Variants in ZCRB1 observed in about 807,000 individuals in gnomAD.
The protein encoded by ZCRB1 is zinc finger CCHC-type and RNA binding motif containing 1, also known as zinc finger CCHC-type and RNA-binding motif-containing protein 1.
In ZCRB1, 21 loss-of-function variants were observed where a neutral mutation model predicts 29.9. The observed-to-expected ratio is 0.70, with a 90% CI of 0.50 to 1.01. The LOEUF is 1.01. ZCRB1 is among the 50% of genes least tolerant of loss of function. ZCRB1 has a pLI of 0.00. For missense variants in ZCRB1, 204 were observed against 253.3 expected (o/e 0.81, Z 1.32); for synonymous variants, 77 against 80.0 (o/e 0.96, Z 0.20).
intron 5 of ZCRB1, among the ~76,000 whole-genome samples, chr12:42,316,072 C>A (rs1385087556): frequency 6.6e-6 from 1 of 151,902 alleles, no homozygotes; most frequent in Admixed American, 6.6e-5. Flanking sequence ...CCTCTGGACT[C>A]TGTTTTTTAA....
chr12:42,320,737 A>G (rs927079985), intron 3 of ZCRB1, among the ~76,000 whole-genome samples: 1 of 152,204 alleles, frequency 6.6e-6, no homozygotes, highest in Non-Finnish European at 1.5e-5. Context: ...GGTGTGTGCC[A>G]CTGCACCCAG....
chr12:42,312,993 A>AT lies in ZCRB1; in HGVS notation c.*73dup. On this transcript the variant is annotated 3_prime_UTR_variant, in exon 8 of 8. Transcript: ENST00000266529. ...TAACATGATAGTATTAATTTTTCTT[A>AT]TTTTTATTAAAATTAGCTCTTCAAG... is the stretch of plus-strand genomic sequence containing the variant. 1 of 1,363,874 alleles carries AT rather than the reference A, an allele frequency of 7.3e-7. No individual in the cohort carries two copies. The highest frequency in any genetic ancestry group is 9.6e-7 in the Non-Finnish European group (1 of 1,039,798). The allele number at this position is 1,363,874 out of a possible 1,614,324, so 84.5% of individuals were successfully genotyped here.
chr12:42,321,340 TCCA>T (rs2068620375), intron 3 of ZCRB1, among the ~76,000 whole-genome samples: 1 of 152,192 alleles, frequency 6.6e-6, no homozygotes, highest in African/African-American at 2.4e-5. Flanking sequence ...AAATATTTTC[TCCA>T]CCACTAGCTA....
chr12:42,319,668 C>T (rs1464801154), intron 3 of ZCRB1, among the ~76,000 whole-genome samples: 1 of 152,168 alleles, frequency 6.6e-6, no homozygotes, highest in African/African-American at 2.4e-5. Context: ...AATTTCTCCT[C>T]CGTTATGCTA....
chr12:42,313,823 CA>C, intron 6 of ZCRB1, 50 bp downstream of exon 6: 1 of 1,610,838 alleles, frequency 6.2e-7, no homozygotes, highest in East Asian at 2.2e-5. Flanking sequence ...AGCAACCAAC[CA>C]AAAGACAAAA....
rs982913501 is a variant in ZCRB1, at chr12:42,312,912, A to C, written c.*155T>G. Reference sequence around the variant, plus strand: ...AGGCATGAATAAAGCCCTTATAATGAACTTTTCAAATAAATTTTTAAAATA... The same window carrying C: ...AGGCATGAATAAAGCCCTTATAATGCACTTTTCAAATAAATTTTTAAAATA... On this transcript the variant is annotated 3_prime_UTR_variant, in exon 8 of 8. Coordinates refer to ENST00000266529, the MANE Select transcript of ZCRB1 (RefSeq NM_033114.4). The C allele has an allele frequency of 3.4e-5, 28 of 812,652 alleles. No homozygotes were observed. The highest frequency in any genetic ancestry group is 4.5e-5 in the Non-Finnish European group (27 of 602,600). The allele number at this position is 812,652 out of a possible 1,614,324, so 50.3% of individuals were successfully genotyped here. A position where few individuals can be genotyped will look rare whatever the true frequency, so the allele number is the denominator to read the frequency against.
Position 42,324,020 on chromosome 12 carries a change from C to A in ZCRB1, c.83G>T (p.Arg28Leu), listed in dbSNP as rs550210605. Residue 28 changes from arginine to leucine, a missense_variant and splice_region_variant, in exon 2 of 8, where the codon CGG (arginine) becomes CTG (leucine). Transcript: ENST00000266529. ...AGTCACTCGATAAGATTTACTTACC[C>A]GGTACAAGTCATTGTTTGTCAGGGA... Reference protein sequence around the residue: ...PFSLTNNDLYRIFSKYGKVVK... With the variant: ...PFSLTNNDLYLIFSKYGKVVK... 1 of 1,613,230 alleles carries A rather than the reference C, an allele frequency of 6.2e-7. No individual in the cohort carries two copies. The highest frequency in any genetic ancestry group is 8.5e-7 in the Non-Finnish European group (1 of 1,179,278).
rs372333478 is a variant in ZCRB1, at chr12:42,317,407, T to C, written c.266A>G (p.Asn89Ser). The C allele has an allele frequency of 3.1e-6, 5 of 1,612,844 alleles. No homozygotes were observed. The highest frequency in any genetic ancestry group is 1.7e-4 in the Middle Eastern group (1 of 6,030). The change falls in exon 5 of 8, where the codon AAT becomes AGT. Residue 89 changes from asparagine (N) to serine (S), a missense_variant. Asn to Ser is a conservative substitution (Grantham distance 46). Transcript: ENST00000266529. ...TCGGATGAACTCAGCTGCTCTTCCA[T>C]TGTCAATAGCAATGCTTGCTTTTAT... ...RVIKASIAID[N>S]GRAAEFIRRR...
intron 3 of ZCRB1, among the ~76,000 whole-genome samples, chr12:42,318,643 C>A (rs1250643263): frequency 2.0e-5 from 3 of 152,108 alleles, no homozygotes; most frequent in African/African-American, 7.2e-5. Flanking sequence ...AAACAATGTT[C>A]AACAGGGCTC....
rs751890833 is a variant in ZCRB1 at position 42,313,859 on chromosome 12, G to T, written c.446+15C>A. 15 of 1,604,570 alleles carry T rather than the reference G, an allele frequency of 9.3e-6. No homozygotes were observed. In the South Asian group the frequency reaches 1.7e-4, roughly 18 times the overall value. ...AGCAACATGATGATGTATTTAGTAA[G>T]AATAATATACATACATTTCTTCTTC... On this transcript the variant is annotated intron_variant, in intron 6 of 7. Transcript: ENST00000266529.
At chr12:42,321,720 G>A (rs562363984) in intron 3 of ZCRB1, among the ~76,000 whole-genome samples, 29 of 152,152 alleles carry the variant, frequency 1.9e-4, no homozygotes, top group Non-Finnish European at 3.8e-4. Context: ...AGATAAATAT[G>A]CTCAAAATTC....
rs2068575671 is a variant in ZCRB1 at position 42,312,760 on chromosome 12, C to G, written c.*307G>C. ...CTACAAGAAATATGATGACAAAACA[C>G]CCATATTTAAAGACAAAATTCTCTT... is the stretch of plus-strand genomic sequence containing the variant. On this transcript the variant is annotated 3_prime_UTR_variant, in exon 8 of 8. Coordinates refer to ENST00000266529, the MANE Select transcript of ZCRB1 (RefSeq NM_033114.4). The G allele has an allele frequency of 6.0e-6, 1 of 165,876 alleles. No individual in the cohort carries two copies. Among genetic ancestry groups the G allele is most frequent in the African/African-American group, 2.4e-5 (1 of 41,908 alleles). 10.3% of individuals were successfully genotyped at this position (165,876 alleles called of 1,614,324 possible).
At chr12:42,313,637 C>T (rs2068579763) in intron 7 of ZCRB1, 53 bp downstream of exon 7, 1 of 1,589,112 alleles carries the variant, frequency 6.3e-7, no homozygotes, top group African/African-American at 1.4e-5. Flanking sequence ...TAAGCAAGCA[C>T]TATAAACCAA....
intron 3 of ZCRB1, among the ~76,000 whole-genome samples, chr12:42,318,955 G>A (rs1057454625): frequency 1.3e-5 from 2 of 152,146 alleles, no homozygotes; most frequent in Non-Finnish European, 2.9e-5. Flanking sequence ...TAAATAAGTG[G>A]AGGAGATGGG....
chr12:42,323,251 TAC>T (rs1446555105), intron 2 of ZCRB1, among the ~76,000 whole-genome samples: 1 of 152,218 alleles, frequency 6.6e-6, no homozygotes, highest in Non-Finnish European at 1.5e-5. Flanking sequence ...TGAAGGCCAG[TAC>T]AGTCTTCTAT....
chr12:42,314,400 A>T lies in ZCRB1; in HGVS notation c.334-414T>A, dbSNP rs2068584813. Among the ~76,000 whole-genome samples the T allele has an allele frequency of 2.6e-4, 10 of 39,034 alleles. No individual in the cohort carries two copies. In the South Asian group the frequency reaches 0.01, roughly 39 times the overall value. The allele number at this position is 39,034 out of a possible 152,430, so 25.6% of individuals were successfully genotyped here. On this transcript the variant is annotated intron_variant, in intron 5 of 7. Coordinates refer to ENST00000266529, the MANE Select transcript of ZCRB1 (RefSeq NM_033114.4). Reference sequence around the variant, plus strand: ...AATGGTGAAATCCCGTCTCTACTAAAAAAAAAAAAAAAAAAAAAAAAAAAA... The same window carrying T: ...AATGGTGAAATCCCGTCTCTACTAATAAAAAAAAAAAAAAAAAAAAAAAAA...
intron 2 of ZCRB1, 66 bp downstream of exon 2, chr12:42,323,953 A>T: frequency 7.4e-7 from 1 of 1,351,010 alleles, no homozygotes; most frequent in Non-Finnish European, 1.0e-6. Flanking sequence ...AGAATTTGCC[A>T]GGGAGAACTA....
chr12:42,323,279 G>A (rs2068630483), intron 2 of ZCRB1, among the ~76,000 whole-genome samples: 1 of 152,130 alleles, frequency 6.6e-6, no homozygotes, highest in South Asian at 2.1e-4. Context: ...ACTTACTAAT[G>A]GCTTCTTGTT....
intron 3 of ZCRB1, among the ~76,000 whole-genome samples, chr12:42,319,846 A>T (rs1411902637): frequency 6.6e-6 from 1 of 152,236 alleles, no homozygotes; most frequent in Non-Finnish European, 1.5e-5. Context: ...TGGGAAAAGT[A>T]GTTTCTAAAA....
Sources: gnomAD v4.1 joint callset for allele counts (sites outside exome capture counted in the v4.1 genomes callset) on GRCh38, gnomAD v4.1.1 for gene constraint, MANE v1.5 for transcripts, NCBI Gene and HGNC (gene_info 2026-07-23, HGNC 2026-07-21) for gene names.